PAK5: variants seen among roughly 807,000 people sequenced by gnomAD.
PAK5 encodes serine/threonine-protein kinase PAK 5.
A neutral mutation model predicts 65.9 loss-of-function variants in PAK5; 16 were observed. The observed-to-expected ratio is 0.24, with a 90% CI of 0.16 to 0.37. The LOEUF (loss-of-function observed/expected upper bound fraction) is 0.37. PAK5 is among the 10% of genes least tolerant of loss of function. PAK5 has a pLI of 1.00. For synonymous variants in PAK5, 371 were observed against 354.9 expected (o/e 1.05, Z -0.51); for missense variants, 785 against 903.9 (o/e 0.87, Z 1.69).
At chr20:9,743,196 C>T (rs534205054) in intron 1 of PAK5, among the ~76,000 whole-genome samples, 114 of 151,718 alleles carry the variant, frequency 7.5e-4, no homozygotes, top group African/African-American at 2.3e-3. Flanking sequence ...AGGGAGACAT[C>T]GACTCTACGA....
chr20:9,682,972 T>C (rs1364714944), intron 2 of PAK5, among the ~76,000 whole-genome samples: 1 of 152,232 alleles, frequency 6.6e-6, no homozygotes, highest in Non-Finnish European at 1.5e-5. Context: ...TTCCAGACAT[T>C]AGGGTGCTAG....
intron 1 of PAK5, among the ~76,000 whole-genome samples, chr20:9,777,901 A>G (rs2048903105): frequency 6.6e-6 from 1 of 152,128 alleles, no homozygotes. Flanking sequence ...ATTAGACAAG[A>G]ATGATATTTC....
chr20:9,725,869 T>C (rs2048271347), intron 1 of PAK5, among the ~76,000 whole-genome samples: 1 of 152,014 alleles, frequency 6.6e-6, no homozygotes. Flanking sequence ...TTGATAATGC[T>C]AAAAAAAGTA....
rs373503631 is a variant in PAK5 at position 9,566,420 on chromosome 20, G to A, written c.991-36C>T. 1.3e-5 allele frequency: 20 copies of A among 1,587,716 alleles called. No homozygotes were observed. In the African/African-American group the frequency reaches 2.5e-4, roughly 20 times the overall value. ...AGACATGGATAGAGAATATTCACAT[G>A]CTGGATCTGAATGCCACAGCCGAGT... On this transcript the variant is annotated intron_variant, in intron 4 of 9. Coordinates refer to ENST00000353224, the MANE Select transcript of PAK5 (RefSeq NM_177990.4).
chr20:9,568,567 A>ATCT (rs559935115), intron 4 of PAK5, among the ~76,000 whole-genome samples: 167 of 152,292 alleles, frequency 1.1e-3, no homozygotes, highest in African/African-American at 3.8e-3. Context: ...ATTGGGATCA[A>ATCT]TCTGTGTGAT....
intron 1 of PAK5, among the ~76,000 whole-genome samples, chr20:9,726,434 T>C (rs562170880): frequency 8.5e-5 from 13 of 152,338 alleles, no homozygotes; most frequent in African/African-American, 2.9e-4. Flanking sequence ...TCTGTATTTG[T>C]GATGGCTTGC....
In PAK5 at chr20:9,598,908, T is replaced by C. The variant is rs543240805; in HGVS notation, c.205-17978A>G. ...ATTTACCATTTTAACTATTTCTAAG[T>C]ATAAAATTTGGTGGTATTCAGTCAA... On this transcript the variant is annotated intron_variant, in intron 3 of 9. Transcript: ENST00000353224. 1.4e-3 allele frequency among the ~76,000 whole-genome samples: 217 copies of C among 152,360 alleles called. 1 individual carries two copies. Among genetic ancestry groups the C allele is most frequent in the Middle Eastern group, 3.4e-3 (1 of 294 alleles).
intron 1 of PAK5, among the ~76,000 whole-genome samples, chr20:9,817,615 G>A (rs1050771484): frequency 1.3e-5 from 2 of 152,128 alleles, no homozygotes; most frequent in African/African-American, 4.8e-5. Flanking sequence ...TCACATTTTG[G>A]ATGGAGTGAT....
chr20:9,746,017 C>G (rs2123601016), intron 1 of PAK5, among the ~76,000 whole-genome samples: 1 of 152,236 alleles, frequency 6.6e-6, no homozygotes, highest in South Asian at 2.1e-4. Flanking sequence ...AAAAATGACT[C>G]AGAGAAAACC....
At chr20:9,670,781 G>T (rs1462412788) in intron 2 of PAK5, among the ~76,000 whole-genome samples, 2 of 152,162 alleles carry the variant, frequency 1.3e-5, no homozygotes, top group Non-Finnish European at 2.9e-5. Context: ...AGTTTAATTA[G>T]ATCCCATTTG....
intron 1 of PAK5, among the ~76,000 whole-genome samples, chr20:9,761,152 C>T (rs1437701192): frequency 6.6e-6 from 1 of 152,128 alleles, no homozygotes; most frequent in South Asian, 2.1e-4. Context: ...TTATCTTTAG[C>T]TTTGCTTTTC....
At chr20:9,736,123 A>G (rs1160639691) in intron 1 of PAK5, among the ~76,000 whole-genome samples, 1 of 151,112 alleles carries the variant, frequency 6.6e-6, no homozygotes, top group Non-Finnish European at 1.5e-5. Flanking sequence ...CTGGTCTTGA[A>G]CTCCCGACCT....
At chr20:9,798,540 C>CA (rs2049132283) in intron 1 of PAK5, among the ~76,000 whole-genome samples, 1 of 151,960 alleles carries the variant, frequency 6.6e-6, no homozygotes, top group Non-Finnish European at 1.5e-5. Context: ...TCTGTTTTCT[C>CA]AAAAAAGCAT....
At position 9,562,998 on chromosome 20, in the gene PAK5, A is replaced by G. The variant is rs2122978237; in HGVS notation, c.1509T>C (p.His503=). The G allele has an allele frequency of 6.2e-7, 1 of 1,613,356 alleles. No individual in the cohort carries two copies. Among genetic ancestry groups the G allele is most frequent in the Non-Finnish European group, 8.5e-7 (1 of 1,179,416 alleles). The change falls in exon 6 of 10, where the codon CAT becomes CAC. Residue 503 remains histidine, a synonymous_variant. Transcript: ENST00000353224. ...TGCTGTACATGTCAACCACATTGTC[A>G]TGGTGGTAATCCCGCATGATCACGA... is the stretch of plus-strand genomic sequence containing the variant. ...NEVVIMRDYH[H]DNVVDMYSSY...
chr20:9,724,285 C>T (rs1296296139), intron 1 of PAK5, among the ~76,000 whole-genome samples: 1 of 152,124 alleles, frequency 6.6e-6, no homozygotes, highest in African/African-American at 2.4e-5. Context: ...AAACTTCTCT[C>T]AAGTGTAAGT....
At chr20:9,739,952 G>C (rs1343720181) in intron 1 of PAK5, among the ~76,000 whole-genome samples, 1 of 152,148 alleles carries the variant, frequency 6.6e-6, no homozygotes, top group Non-Finnish European at 1.5e-5. Context: ...CTTTGCTTCT[G>C]TCTAGCTTTT....
chr20:9,539,273 C>A lies in PAK5; in HGVS notation c.*189G>T. The A allele has an allele frequency of 1.7e-6, 1 of 582,890 alleles. No individual in the cohort carries two copies. The highest frequency in any genetic ancestry group is 2.4e-5 in the South Asian group (1 of 42,114). 36.1% of individuals were successfully genotyped at this position (582,890 alleles called of 1,614,324 possible). ...TGCTCCAAGTGACCACACCGGCTGT[C>A]AGTGGAGAGATGCCTGTTTAAGACA... On this transcript the variant is annotated 3_prime_UTR_variant, in exon 10 of 10. Transcript: ENST00000353224.
chr20:9,815,166 G>A (rs1223616663), intron 1 of PAK5, among the ~76,000 whole-genome samples: 1 of 152,144 alleles, frequency 6.6e-6, no homozygotes, highest in African/African-American at 2.4e-5. Context: ...AATTCATGAA[G>A]GATCCGCCCC....
intron 6 of PAK5, among the ~76,000 whole-genome samples, chr20:9,560,104 A>G (rs2045569866): frequency 1.3e-5 from 2 of 152,238 alleles, no homozygotes; most frequent in Admixed American, 6.5e-5. Context: ...CAGGTCGACT[A>G]TATCAAAAAT....
Sources: allele counts gnomAD v4.1 joint callset (sites outside exome capture counted in the v4.1 genomes callset), GRCh38; gene constraint gnomAD v4.1.1; transcripts MANE v1.5; gene names NCBI Gene and HGNC (gene_info 2026-07-23, HGNC 2026-07-21).